The following AK5 variants were observed in gnomAD, a reference collection of about 807,000 sequenced individuals.
AK5 encodes adenylate kinase 5.
AK5 carries 27 observed loss-of-function variants against 69.5 expected under a neutral mutation model. That is an observed-to-expected ratio of 0.39 (90% CI 0.29 to 0.54). AK5 has a LOEUF of 0.54. AK5 is among the 20% of genes least tolerant of loss of function. The pLI, the probability that AK5 is intolerant of heterozygous loss-of-function variation, is 0.71. For missense variants in AK5, 531 were observed against 700.4 expected (o/e 0.76, Z 2.73); for synonymous variants, 260 against 244.4 (o/e 1.06, Z -0.60).
chr1:77,288,595 T>C (rs1220426874), intron 2 of AK5, among the ~76,000 whole-genome samples: 1 of 151,938 alleles, frequency 6.6e-6, no homozygotes, highest in African/African-American at 2.4e-5. Context: ...CAAACAGAAA[T>C]AGCTTTTCCT....
rs750665765 is a variant in AK5, at chr1:77,297,520, G to T, written c.416-39G>T. ...GTTGTATAAAAGGGAGGTCCTTATT[G>T]TATCAGAAGATCACAGTTTTGCCTG... On this transcript the variant is annotated intron_variant, in intron 3 of 13. Transcript: ENST00000354567. 2.6e-6 allele frequency: 4 copies of T among 1,544,354 alleles called. No individual in the cohort carries two copies. In the South Asian group the frequency reaches 5.1e-5, roughly 20 times the overall value.
intron 7 of AK5, among the ~76,000 whole-genome samples, chr1:77,413,896 A>G (rs1180489401): frequency 6.6e-6 from 1 of 152,122 alleles, no homozygotes; most frequent in Admixed American, 6.6e-5. Flanking sequence ...GCAACCCATC[A>G]ACACCCAGAT....
At chr1:77,489,726 T>A (rs912451334) in intron 10 of AK5, among the ~76,000 whole-genome samples, 1 of 152,222 alleles carries the variant, frequency 6.6e-6, no homozygotes, top group African/African-American at 2.4e-5. Flanking sequence ...AAAATTAATA[T>A]GCCTAAAGCA....
In AK5 at chr1:77,410,969, G is replaced by A. The variant is rs1650003057; in HGVS notation, c.892-12G>A. The stretch of plus-strand genomic sequence containing the variant: ...CTCACATTCCAAACTTGTCTGTCCT[G>A]ATTTCCCCCAGTTTGATGCCGACCG... On this transcript the variant is annotated splice_polypyrimidine_tract_variant and intron_variant, in intron 6 of 13. Coordinates refer to ENST00000354567, the MANE Select transcript of AK5 (RefSeq NM_174858.3). 6.2e-7 allele frequency: 1 copy of A among 1,611,620 alleles called. No homozygotes were observed. Among genetic ancestry groups the A allele is most frequent in the African/African-American group, 1.3e-5 (1 of 74,828 alleles).
chr1:77,432,523 A>G (rs1295419228), intron 8 of AK5, among the ~76,000 whole-genome samples: 2 of 152,258 alleles, frequency 1.3e-5, no homozygotes, highest in Non-Finnish European at 2.9e-5. Flanking sequence ...AAACAAAAAT[A>G]TAAAATAAAA....
intron 10 of AK5, among the ~76,000 whole-genome samples, chr1:77,491,585 A>C (rs1386771936): frequency 6.6e-6 from 1 of 152,172 alleles, no homozygotes; most frequent in African/African-American, 2.4e-5. Context: ...GATTACAGGC[A>C]TGAGTCACCG....
At chr1:77,557,376 C>T (rs1444019261) in intron 13 of AK5, 1 of 200,062 alleles carries the variant, frequency 5.0e-6, no homozygotes, top group African/African-American at 2.3e-5. Flanking sequence ...GGGTGACACT[C>T]ATGGAAGTTG....
intron 5 of AK5, among the ~76,000 whole-genome samples, chr1:77,307,611 A>G (rs1001232270): frequency 2.6e-5 from 4 of 152,176 alleles, no homozygotes; most frequent in Admixed American, 6.5e-5. Context: ...GTAAATATCT[A>G]TTAGATACAT....
chr1:77,393,929 C>A (rs1006358053), intron 6 of AK5, among the ~76,000 whole-genome samples: 3 of 152,032 alleles, frequency 2.0e-5, no homozygotes, highest in African/African-American at 7.2e-5. Flanking sequence ...TAATGTAAAT[C>A]TTGGCCAGGC....
intron 5 of AK5, among the ~76,000 whole-genome samples, chr1:77,324,316 TGC>T (rs1170582572): frequency 2.1e-5 from 1 of 47,686 alleles, no homozygotes; most frequent in African/African-American, 7.3e-5. Context: ...GTTCACCATT[TGC>T]GTGTGTGTGT....
chr1:77,497,459 G>C (rs1656410016), intron 10 of AK5, among the ~76,000 whole-genome samples: 1 of 152,216 alleles, frequency 6.6e-6, no homozygotes, highest in Non-Finnish European at 1.5e-5. Flanking sequence ...CACCACGAGG[G>C]TCCGTGGCTT....
rs1443233600 is a variant in AK5 at position 77,432,749 on chromosome 1, C to T, written c.1059+15034C>T. On this transcript the variant is annotated intron_variant, in intron 8 of 13. Coordinates refer to ENST00000354567, the MANE Select transcript of AK5 (RefSeq NM_174858.3). ...CATGTAGTATTAGTGGAAGCGTAGACTTTTTTTTATTTAAACAATAGATAC... is the reference window on the plus strand; with the variant it reads ...CATGTAGTATTAGTGGAAGCGTAGATTTTTTTTTATTTAAACAATAGATAC... Among the ~76,000 whole-genome samples, 7 of 152,080 alleles carry T rather than the reference C, an allele frequency of 4.6e-5. No individual in the cohort carries two copies. In the East Asian group the frequency reaches 1.2e-3, roughly 25 times the overall value.
chr1:77,529,203 C>G (rs17100677), intron 12 of AK5, among the ~76,000 whole-genome samples: 11,997 of 152,148 alleles, frequency 0.079, 662 homozygotes, highest in East Asian at 0.29. Context: ...TAAAATCATA[C>G]AGAACATAGG....
intron 1 of AK5, chr1:77,283,435 C>T (rs1437170667): frequency 2.0e-6 from 2 of 985,048 alleles, no homozygotes; most frequent in East Asian, 1.1e-4. Context: ...GAGGGTTTTT[C>T]CCCCCGGTTT....
intron 8 of AK5, among the ~76,000 whole-genome samples, chr1:77,473,006 C>T (rs1428466238): frequency 1.3e-5 from 2 of 152,068 alleles, no homozygotes; most frequent in Non-Finnish European, 2.9e-5. Flanking sequence ...ATGATCTTCC[C>T]ATCTCAGGAT....
At chr1:77,296,662 A>G (rs544244474) in intron 3 of AK5, among the ~76,000 whole-genome samples, 2 of 152,322 alleles carry the variant, frequency 1.3e-5, no homozygotes, top group Non-Finnish European at 2.9e-5. Flanking sequence ...GAATTTGCCA[A>G]TGGAATTGGT....
intron 5 of AK5, among the ~76,000 whole-genome samples, chr1:77,337,531 C>A (rs909649808): frequency 5.3e-5 from 8 of 151,880 alleles, no homozygotes; most frequent in African/African-American, 1.7e-4. Flanking sequence ...TAAATTATAT[C>A]TTTTATTATA....
Position 77,518,589 on chromosome 1 carries a change from A to G in AK5, c.1173A>G (p.Thr391=). The change falls in exon 11 of 14, where the codon ACA becomes ACG. Residue 391 remains threonine (T), a synonymous_variant. Coordinates refer to ENST00000354567, the MANE Select transcript of AK5 (RefSeq NM_174858.3). The stretch of plus-strand genomic sequence containing the variant: ...GTGGTCCTGGCTCTGGCAAAGGCAC[A>G]CAGTGTGAAAAGCTGGTGGAAAAAT... ...IIGGPGSGKG[T]QCEKLVEKYG... 1 of 1,614,192 alleles carries G rather than the reference A, an allele frequency of 6.2e-7. No homozygotes were observed. The highest frequency in any genetic ancestry group is 2.2e-5 in the East Asian group (1 of 44,884).
chr1:77,437,296 G>A (rs10873941), intron 8 of AK5, among the ~76,000 whole-genome samples: 22,954 of 151,814 alleles, frequency 0.15, 1,943 homozygotes, highest in Admixed American at 0.25. Flanking sequence ...ATATATTTTG[G>A]TAGAAAAATA....
Sources: gnomAD v4.1 joint callset for allele counts (sites outside exome capture counted in the v4.1 genomes callset) on GRCh38, gnomAD v4.1.1 for gene constraint, MANE v1.5 for transcripts, NCBI Gene and HGNC (gene_info 2026-07-23, HGNC 2026-07-21) for gene names.